Variants in FAP observed in about 807,000 individuals in gnomAD.
FAP encodes prolyl endopeptidase FAP.
In FAP, 110 loss-of-function variants were observed where a neutral mutation model predicts 126.5. The observed-to-expected ratio is 0.87, with a 90% CI of 0.74 to 1.02. The LOEUF (loss-of-function observed/expected upper bound fraction) is 1.02, where lower values mean the gene tolerates loss of function less well. Among genes scored for constraint, FAP ranks in the 50% least tolerant of loss-of-function variants. The pLI is 0.00. For synonymous variants in FAP, 334 were observed against 297.3 expected, an observed-to-expected ratio of 1.12 and a Z score of -1.27; for missense variants, 919 against 909.2, an observed-to-expected ratio of 1.01 and a Z score of -0.14.
chr2:162,175,914 A>G (rs575208166), intron 21 of FAP: 3 of 152,158 alleles, frequency 2.0e-5, no homozygotes, highest in Admixed American at 2.0e-4. Flanking sequence ...TGTCTGGGAC[A>G]TGGACCAAAA....
In FAP at chr2:162,243,334, A is replaced by T; in HGVS notation, c.-7T>A. ...TGCTTATACTAACCTTCATTTTTCC[A>T]GATGTTTTTGAAAGTTAGCTAATTC... On this transcript the variant is annotated 5_prime_UTR_variant, in exon 1 of 26. Transcript: ENST00000188790. 1.2e-6 allele frequency: 2 copies of T among 1,610,470 alleles called. No homozygotes were observed. Among genetic ancestry groups the T allele is most frequent in the Non-Finnish European group, 1.7e-6 (2 of 1,178,112 alleles).
chr2:162,206,255 T>C (rs1465250449), intron 12 of FAP, among the ~76,000 whole-genome samples: 2 of 152,236 alleles, frequency 1.3e-5, no homozygotes, highest in Non-Finnish European at 2.9e-5. Context: ...AAGTCACACC[T>C]GGACCCTAGA....
intron 16 of FAP, among the ~76,000 whole-genome samples, chr2:162,197,224 C>T (rs563255519): frequency 6.6e-6 from 1 of 152,258 alleles, no homozygotes; most frequent in South Asian, 2.1e-4. Context: ...GTTAATTCCA[C>T]AAACATTGAA....
chr2:162,215,215 C>T (rs2106268852), intron 10 of FAP, among the ~76,000 whole-genome samples: 1 of 152,308 alleles, frequency 6.6e-6, no homozygotes, highest in East Asian at 1.9e-4. Flanking sequence ...GGCTCTTCTT[C>T]GTGAAGCAGA....
intron 6 of FAP, among the ~76,000 whole-genome samples, chr2:162,221,265 C>A (rs1485321335): frequency 6.6e-6 from 1 of 152,082 alleles, no homozygotes; most frequent in Non-Finnish European, 1.5e-5. Context: ...CCAGGCCTGG[C>A]CGGCTCGCTC....
chr2:162,227,728 C>A (rs995339308), intron 2 of FAP, among the ~76,000 whole-genome samples: 1 of 152,138 alleles, frequency 6.6e-6, no homozygotes, highest in Non-Finnish European at 1.5e-5. Flanking sequence ...TGGTGTGGGG[C>A]AGTCTACCCT....
chr2:162,242,910 C>A lies in FAP; in HGVS notation c.89G>T (p.Arg30Ile). The A allele has an allele frequency of 6.2e-7, 1 of 1,612,222 alleles. No homozygotes were observed. The highest frequency in any genetic ancestry group is 1.1e-5 in the South Asian group (1 of 90,822). ...AGCAAATCAGAGAAAGTTCTTACCT[C>A]TTGAAGGGCGTAAGACAATGCACAT... ...LVMCIVLRPS[R>I]VHNSEENTMR... The change falls in exon 2 of 26, where the codon AGA becomes ATA. Residue 30 changes from arginine (R) to isoleucine (I), a missense_variant and splice_region_variant. Physicochemically the swap from Arg to Ile is moderately conservative, Grantham distance 97. Coordinates refer to ENST00000188790, the MANE Select transcript of FAP (RefSeq NM_004460.5).
intron 2 of FAP, among the ~76,000 whole-genome samples, chr2:162,234,301 G>A (rs1375387403): frequency 6.6e-6 from 1 of 152,166 alleles, no homozygotes; most frequent in Non-Finnish European, 1.5e-5. Context: ...AATTTAGGCA[G>A]TATTGCCATC....
chr2:162,216,794 C>T (rs1396371481), intron 9 of FAP, among the ~76,000 whole-genome samples: 1 of 152,164 alleles, frequency 6.6e-6, no homozygotes, highest in East Asian at 1.9e-4. Flanking sequence ...TTAGGACCTC[C>T]GTTTCACTCC....
At position 162,242,950 on chromosome 2, in the gene FAP, G is replaced by A. The variant is rs148465982; in HGVS notation, c.49C>T (p.Leu17Phe). 9.9e-6 allele frequency: 16 copies of A among 1,613,096 alleles called. No homozygotes were observed. The highest frequency in any genetic ancestry group is 1.1e-5 in the Non-Finnish European group (13 of 1,179,464). ...ACAATGCACATCACCAATAAGGCAA[G>A]CACAGCAGAGGTGGCAACTCCAAAT... ...IVFGVATSAVLALLVMCIVLR... is the reference protein window; with the variant it reads ...IVFGVATSAVFALLVMCIVLR... Residue 17 changes from leucine to phenylalanine, a missense_variant, in exon 2 of 26, where the codon CTT (leucine) becomes TTT (phenylalanine). Physicochemically the swap from Leu to Phe is conservative, Grantham distance 22 (BLOSUM62 0). Coordinates refer to ENST00000188790, the MANE Select transcript of FAP (RefSeq NM_004460.5).
At chr2:162,231,939 AG>A (rs1340710771) in intron 2 of FAP, among the ~76,000 whole-genome samples, 1 of 152,184 alleles carries the variant, frequency 6.6e-6, no homozygotes, top group Non-Finnish European at 1.5e-5. Flanking sequence ...GGTCATACCA[AG>A]GAAAGGGTCT....
chr2:162,242,822 G>C lies in FAP; in HGVS notation c.91+86C>G, dbSNP rs937535149. 8 of 955,376 alleles carry C rather than the reference G, an allele frequency of 8.4e-6. No individual in the cohort carries two copies. The African/African-American group carries it at 1.1e-4, about 14-fold the overall frequency. 59.2% of individuals were successfully genotyped at this position (955,376 alleles called of 1,614,324 possible). A position where few individuals can be genotyped will look rare whatever the true frequency, so the allele number is the denominator to read the frequency against. ...ACTTACTTTGGAACATAAGCACTTA[G>C]GAAATGTTCAACCACTTGTGATCTT... On this transcript the variant is annotated intron_variant, in intron 2 of 25. Coordinates refer to ENST00000188790, the MANE Select transcript of FAP (RefSeq NM_004460.5).
rs563343900 is a variant in FAP, at chr2:162,225,499, A to C, written c.269T>G (p.Leu90Trp). 4 of 1,600,168 alleles carry C rather than the reference A, an allele frequency of 2.5e-6. No individual in the cohort carries two copies. In the East Asian group the frequency reaches 6.7e-5, roughly 27 times the overall value. The change falls in exon 4 of 26, where the codon TTG becomes TGG. Residue 90 changes from leucine to tryptophan, a missense_variant. Transcript: ENST00000188790. ...GATACATACCATGGTTCTATTACTC[A>C]AAATGGTATATGATTGTCCTGTTTC... ...NIETGQSYTI[L>W]SNRTMKSVNA...
At chr2:162,184,250 A>C (rs1279170577) in intron 20 of FAP, among the ~76,000 whole-genome samples, 2 of 152,126 alleles carry the variant, frequency 1.3e-5, no homozygotes, top group Non-Finnish European at 2.9e-5. Flanking sequence ...CAGCAGCCGG[A>C]GTGGAATGTG....
chr2:162,179,810 A>ATT (rs1186933075), intron 21 of FAP, among the ~76,000 whole-genome samples: 2 of 107,126 alleles, frequency 1.9e-5, no homozygotes, highest in South Asian at 4.1e-4. Context: ...ATATATATAT[A>ATT]TATTTTTTTT....
At chr2:162,241,330 A>ATAC (rs1369604365) in intron 2 of FAP, among the ~76,000 whole-genome samples, 1 of 152,236 alleles carries the variant, frequency 6.6e-6, no homozygotes, top group African/African-American at 2.4e-5. Flanking sequence ...TATGTAAGCT[A>ATAC]TACATAACTA....
chr2:162,242,110 A>C (rs1212861463), intron 2 of FAP, among the ~76,000 whole-genome samples: 1 of 152,116 alleles, frequency 6.6e-6, no homozygotes, highest in Non-Finnish European at 1.5e-5. Flanking sequence ...CCTAGACACA[A>C]AGACATAAGA....
Position 162,209,968 on chromosome 2 carries a change from G to A in FAP, c.1031C>T (p.Thr344Ile), listed in dbSNP as rs558580845. The A allele has an allele frequency of 5.0e-6, 8 of 1,612,896 alleles. No individual in the cohort carries two copies. In the East Asian group the frequency reaches 1.8e-4, roughly 36 times the overall value. Residue 344 changes from threonine to isoleucine, a missense_variant, in exon 12 of 26, where the codon ACT becomes ATT. Physicochemically the swap from Thr to Ile is moderately conservative, Grantham distance 89. Coordinates refer to ENST00000188790, the MANE Select transcript of FAP (RefSeq NM_004460.5). ...AAATCATACTCCACCAGCCCATCCA[G>A]TTCTGCTTTCTTCTATATGCTCCTG... ...KTQEHIEESR[T>I]GWAGGFFVST...
chr2:162,179,980 T>C (rs922848476), intron 21 of FAP, among the ~76,000 whole-genome samples: 2 of 151,906 alleles, frequency 1.3e-5, no homozygotes, highest in African/African-American at 4.8e-5. Context: ...GGCTAAGTTT[T>C]GTATTTTTAG....
Sources: gnomAD v4.1 joint callset for allele counts (sites outside exome capture counted in the v4.1 genomes callset) on GRCh38, gnomAD v4.1.1 for gene constraint, MANE v1.5 for transcripts, NCBI Gene and HGNC (gene_info 2026-07-23, HGNC 2026-07-21) for gene names.